The following FMNL2 variants were observed in gnomAD, a reference collection of about 807,000 sequenced individuals.
FMNL2 encodes the protein formin like 2.
Under a neutral mutation model 130.2 loss-of-function variants are expected in FMNL2, and 51 were observed. The ratio of observed to expected loss-of-function variants is 0.39; its 90% confidence interval spans 0.31 to 0.49. The LOEUF is 0.49. Ranked by LOEUF, FMNL2 falls within the 20% of genes least tolerant of loss-of-function variation. The pLI is 0.85. For synonymous variants in FMNL2, 465 were observed against 467.1 expected (o/e 1.00, Z 0.06); for missense variants, 977 against 1,316.2 (o/e 0.74, Z 3.99).
intron 1 of FMNL2, among the ~76,000 whole-genome samples, chr2:152,506,369 A>G (rs1475474090): frequency 6.6e-6 from 1 of 152,200 alleles, no homozygotes; most frequent in African/African-American, 2.4e-5. Flanking sequence ...GATAGAATGT[A>G]TTTGCCTAAA....
chr2:152,597,538 A>G (rs548231010), intron 9 of FMNL2, among the ~76,000 whole-genome samples: 6 of 152,332 alleles, frequency 3.9e-5, no homozygotes, highest in African/African-American at 1.4e-4. Context: ...TGGCTTTTTA[A>G]AACTGAGAAT....
chr2:152,474,254 T>TGAC (rs1284934101), intron 1 of FMNL2, among the ~76,000 whole-genome samples: 7 of 152,232 alleles, frequency 4.6e-5, no homozygotes, highest in African/African-American at 1.2e-4. Context: ...CCTGTTCCTG[T>TGAC]GACACTGACA....
chr2:152,612,051 C>T (rs770616874), intron 11 of FMNL2, among the ~76,000 whole-genome samples: 2 of 152,110 alleles, frequency 1.3e-5, no homozygotes, highest in Non-Finnish European at 2.9e-5. Flanking sequence ...AAATGGACAC[C>T]AGAGACTTCC....
chr2:152,511,904 T>TA (rs1692513447), intron 1 of FMNL2, among the ~76,000 whole-genome samples: 1 of 152,194 alleles, frequency 6.6e-6, no homozygotes. Flanking sequence ...TCTAATATGT[T>TA]ACAATTTGAG....
intron 1 of FMNL2, among the ~76,000 whole-genome samples, chr2:152,444,167 G>A (rs1688216614): frequency 6.6e-6 from 1 of 152,184 alleles, no homozygotes; most frequent in South Asian, 2.1e-4. Flanking sequence ...CGAGTAGAGG[G>A]TGGGGTAGCT....
chr2:152,589,131 A>G (rs999852387), intron 9 of FMNL2, among the ~76,000 whole-genome samples: 1 of 151,258 alleles, frequency 6.6e-6, no homozygotes, highest in Non-Finnish European at 1.5e-5. Flanking sequence ...GAGGAAGTAC[A>G]GCAGGGTAAC....
At chr2:152,492,614 CT>C (rs1444059506) in intron 1 of FMNL2, among the ~76,000 whole-genome samples, 1 of 152,082 alleles carries the variant, frequency 6.6e-6, no homozygotes, top group East Asian at 1.9e-4. Context: ...TTTTCCTTAT[CT>C]TTCATAATTT....
chr2:152,640,917 A>G lies in FMNL2; in HGVS notation c.3169+3A>G. 1.2e-6 allele frequency: 2 copies of G among 1,613,536 alleles called. No homozygotes were observed. Among genetic ancestry groups the G allele is most frequent in the Non-Finnish European group, 8.5e-7 (1 of 1,179,602 alleles). ...TGCCATTGAAGATATTATCACAGGT[A>G]AAAGATATTTCTTCACTGTGGCCCA... On this transcript the variant is annotated splice_donor_region_variant and intron_variant, in intron 25 of 25. Transcript: ENST00000288670.
intron 1 of FMNL2, among the ~76,000 whole-genome samples, chr2:152,479,224 A>ACCAATCCTCCTGCCTCAG (rs371130828): frequency 2.0e-5 from 3 of 152,048 alleles, no homozygotes; most frequent in Non-Finnish European, 4.4e-5. Flanking sequence ...CCTGGGCTCA[A>ACCAATCCTCCTGCCTCAG]CCAATCCTCC....
At chr2:152,583,059 G>T (rs1162187795) in intron 9 of FMNL2, among the ~76,000 whole-genome samples, 2 of 152,162 alleles carry the variant, frequency 1.3e-5, no homozygotes, top group African/African-American at 4.8e-5. Context: ...TAACTCTTTG[G>T]TGTCAGACTT....
intron 1 of FMNL2, among the ~76,000 whole-genome samples, chr2:152,429,234 A>AG: frequency 6.7e-6 from 1 of 149,572 alleles, no homozygotes; most frequent in African/African-American, 2.5e-5. Flanking sequence ...AAAAAAAAAA[A>AG]GAAAGAAAAT....
At chr2:152,441,086 T>C (rs572814004) in intron 1 of FMNL2, among the ~76,000 whole-genome samples, 5 of 152,338 alleles carry the variant, frequency 3.3e-5, no homozygotes, top group African/African-American at 9.6e-5. Flanking sequence ...GAGCACTAAA[T>C]GGGTTTATAG....
chr2:152,359,702 A>C (rs1234466606), intron 1 of FMNL2, among the ~76,000 whole-genome samples: 1 of 152,112 alleles, frequency 6.6e-6, no homozygotes, highest in Non-Finnish European at 1.5e-5. Context: ...CCCTTTACAA[A>C]GCCATTGAGC....
chr2:152,442,258 C>T (rs1316520852), intron 1 of FMNL2, among the ~76,000 whole-genome samples: 32 of 146,778 alleles, frequency 2.2e-4, no homozygotes, highest in African/African-American at 7.5e-4. Flanking sequence ...TTTTCTTTTT[C>T]TTTTTTTTTT....
At chr2:152,343,522 C>A (rs1047138534) in intron 1 of FMNL2, among the ~76,000 whole-genome samples, 1 of 152,028 alleles carries the variant, frequency 6.6e-6, no homozygotes, top group Admixed American at 6.6e-5. Context: ...TCTTGAACTC[C>A]TGACCTCAAG....
At chr2:152,631,913 A>T (rs750413593) in intron 20 of FMNL2, 95 bp from the exon 21 acceptor site, 11 of 1,364,688 alleles carry the variant, frequency 8.1e-6, no homozygotes, top group Non-Finnish European at 1.1e-5. Flanking sequence ...ACTGTTACTC[A>T]GTTAATGACT....
intron 6 of FMNL2, among the ~76,000 whole-genome samples, chr2:152,568,847 C>T (rs552170697): frequency 1.2e-4 from 19 of 152,294 alleles, no homozygotes; most frequent in African/African-American, 2.9e-4. Context: ...ATGGGAACTA[C>T]AGTTCAAAGT....
intron 6 of FMNL2, among the ~76,000 whole-genome samples, chr2:152,561,740 AT>A (rs111230929): frequency 6.6e-6 from 1 of 151,140 alleles, no homozygotes; most frequent in Admixed American, 6.6e-5. Flanking sequence ...TGCCCAGCTA[AT>A]TTTTTTTTGT....
intron 6 of FMNL2, among the ~76,000 whole-genome samples, chr2:152,561,851 T>C (rs912009823): frequency 6.6e-6 from 1 of 152,192 alleles, no homozygotes; most frequent in Non-Finnish European, 1.5e-5. Context: ...GTGTTGGGAT[T>C]ACAGGCATCA....
Sources: allele counts gnomAD v4.1 joint callset (sites outside exome capture counted in the v4.1 genomes callset), GRCh38; gene constraint gnomAD v4.1.1; transcripts MANE v1.5; gene names NCBI Gene and HGNC (gene_info 2026-07-23, HGNC 2026-07-21).